ASIC2: variants seen among roughly 807,000 people sequenced by gnomAD.
ASIC2 encodes the protein acid sensing ion channel subunit 2.
Under a neutral mutation model 57.3 loss-of-function variants are expected in ASIC2, and 25 were observed. The ratio of observed to expected loss-of-function variants is 0.44; its 90% CI spans 0.32 to 0.61. The LOEUF is 0.61. ASIC2 is among the 20% of genes least tolerant of loss of function. The probability of loss-of-function intolerance (pLI) is 0.06; values close to 1 mark genes in which losing one functional copy is unlikely to be tolerated. For missense variants in ASIC2, 641 were observed against 738.1 expected, an observed-to-expected ratio of 0.87 and a Z score of 1.52; for synonymous variants, 319 against 307.5, an observed-to-expected ratio of 1.04 and a Z score of -0.39.
intron 1 of ASIC2, among the ~76,000 whole-genome samples, chr17:33,557,319 A>G (rs1265419956): frequency 6.6e-6 from 1 of 152,174 alleles, no homozygotes; most frequent in South Asian, 2.1e-4. Context: ...CCTAGTCACT[A>G]TCCTCAGAGA....
intron 1 of ASIC2, among the ~76,000 whole-genome samples, chr17:34,150,958 C>A (rs953771340): frequency 6.6e-6 from 1 of 151,986 alleles, no homozygotes; most frequent in African/African-American, 2.4e-5. Flanking sequence ...ACTAAAAATA[C>A]CAGGCATGGT....
chr17:34,021,927 T>A (rs577529086), intron 1 of ASIC2, among the ~76,000 whole-genome samples: 3 of 141,088 alleles, frequency 2.1e-5, no homozygotes, highest in African/African-American at 7.9e-5. Flanking sequence ...AAACTCCACC[T>A]CCTGGGCTCA....
At chr17:34,034,746 T>G (rs1907788851) in intron 1 of ASIC2, among the ~76,000 whole-genome samples, 1 of 152,072 alleles carries the variant, frequency 6.6e-6, no homozygotes, top group African/African-American at 2.4e-5. Flanking sequence ...AAATCATGAG[T>G]GAACTCCCAT....
chr17:33,341,035 G>A (rs1452289649), intron 1 of ASIC2, among the ~76,000 whole-genome samples: 1 of 152,168 alleles, frequency 6.6e-6, no homozygotes, highest in Non-Finnish European at 1.5e-5. Flanking sequence ...TGACAAGGAA[G>A]AGCCAATCCC....
intron 1 of ASIC2, among the ~76,000 whole-genome samples, chr17:33,235,810 G>A (rs890232827): frequency 1.3e-5 from 2 of 152,058 alleles, no homozygotes; most frequent in Non-Finnish European, 2.9e-5. Context: ...GAGATTTGGG[G>A]CTTTTTGAGC....
chr17:33,169,724 C>A (rs1317760098), intron 1 of ASIC2, among the ~76,000 whole-genome samples: 1 of 152,126 alleles, frequency 6.6e-6, no homozygotes, highest in African/African-American at 2.4e-5. Context: ...TCAATGAAAC[C>A]CCTGCTGAGT....
At chr17:33,063,433 C>T (rs2092029213) in intron 3 of ASIC2, among the ~76,000 whole-genome samples, 1 of 152,126 alleles carries the variant, frequency 6.6e-6, no homozygotes, top group Admixed American at 6.5e-5. Flanking sequence ...CTTAGTTTGG[C>T]TGGATATGAA....
intron 1 of ASIC2, among the ~76,000 whole-genome samples, chr17:34,063,199 G>T (rs1193121127): frequency 2.6e-5 from 4 of 152,184 alleles, no homozygotes; most frequent in Non-Finnish European, 5.9e-5. Flanking sequence ...TACCAGGAAT[G>T]CAGGGATTTT....
chr17:34,063,319 T>TC (rs1436807691), intron 1 of ASIC2, among the ~76,000 whole-genome samples: 26 of 152,202 alleles, frequency 1.7e-4, no homozygotes, highest in Non-Finnish European at 2.8e-4. Context: ...AAATCCAGCA[T>TC]CCTTTATGAT....
At chr17:34,132,415 G>A (rs113652736) in intron 1 of ASIC2, among the ~76,000 whole-genome samples, 2,767 of 152,166 alleles carry the variant, frequency 0.018, 91 homozygotes, top group African/African-American at 0.063. Flanking sequence ...GTGCGAGCCG[G>A]GTGGAGGCCA....
chr17:34,021,950 G>T (rs1351509952), intron 1 of ASIC2, among the ~76,000 whole-genome samples: 1 of 148,266 alleles, frequency 6.7e-6, no homozygotes, highest in Non-Finnish European at 1.5e-5. Context: ...CCATTCTCTT[G>T]TCTCAGCCTC....
At chr17:33,395,419 T>G (rs1910042333) in intron 1 of ASIC2, among the ~76,000 whole-genome samples, 2 of 152,198 alleles carry the variant, frequency 1.3e-5, no homozygotes. Context: ...AAAGATCTTG[T>G]GCAGGAAAAC....
intron 1 of ASIC2, among the ~76,000 whole-genome samples, chr17:33,841,272 A>G (rs1290177962): frequency 6.6e-6 from 1 of 152,246 alleles, no homozygotes; most frequent in Non-Finnish European, 1.5e-5. Flanking sequence ...TGGACTCCAG[A>G]GGTCTCTGCC....
intron 1 of ASIC2, among the ~76,000 whole-genome samples, chr17:33,393,416 C>T (rs1312134626): frequency 1.3e-5 from 2 of 151,988 alleles, no homozygotes; most frequent in African/African-American, 4.8e-5. Context: ...TGAACTGTAC[C>T]GTGTGTTCAC....
chr17:33,858,473 G>A (rs1914020359), intron 1 of ASIC2, among the ~76,000 whole-genome samples: 1 of 152,188 alleles, frequency 6.6e-6, no homozygotes, highest in South Asian at 2.1e-4. Context: ...AATGAATTTT[G>A]TTTAGTTCAA....
At chr17:33,017,749 T>G (rs1458785518) in intron 7 of ASIC2, 65 bp from the exon 8 acceptor site, 2 of 1,478,918 alleles carry the variant, frequency 1.4e-6, no homozygotes, top group East Asian at 4.5e-5. Context: ...GTGAACAGAC[T>G]GAGATGCAAC....
intron 1 of ASIC2, among the ~76,000 whole-genome samples, chr17:33,208,466 A>G (rs1907152119): frequency 6.6e-6 from 1 of 151,654 alleles, no homozygotes; most frequent in Admixed American, 6.6e-5. Context: ...CCCTTGGGAC[A>G]CCTTCATTCT....
chr17:33,641,792 G>T (rs532869870), intron 1 of ASIC2, among the ~76,000 whole-genome samples: 1 of 152,290 alleles, frequency 6.6e-6, no homozygotes, highest in Admixed American at 6.5e-5. Context: ...AGGCAGGGAT[G>T]CCATTAGCAC....
chr17:33,439,698 A>G lies in ASIC2; in HGVS notation c.556-327631T>C, dbSNP rs539572750. 2.6e-5 allele frequency among the ~76,000 whole-genome samples: 4 copies of G among 152,314 alleles called. No homozygotes were observed. In the South Asian group the frequency reaches 8.3e-4, roughly 32 times the overall value. The stretch of plus-strand genomic sequence containing the variant: ...GAGAGAAGAAAAACCAGAAGCCCAG[A>G]GCCAAAGGAGAACTGAAGACAATTG... On this transcript the variant is annotated intron_variant, in intron 1 of 9. Coordinates refer to the ASIC2 transcript ENST00000359872.
Sources: allele counts gnomAD v4.1 joint callset (sites outside exome capture counted in the v4.1 genomes callset), GRCh38; gene constraint gnomAD v4.1.1; transcripts MANE v1.5; gene names NCBI Gene and HGNC (gene_info 2026-07-23, HGNC 2026-07-21).